Variants in PHF3 observed in about 807,000 individuals in gnomAD.
PHF3 encodes PHD finger protein 3.
PHF3 carries 41 observed loss-of-function variants against 178.4 expected under a neutral mutation model. That is an observed-to-expected ratio of 0.23 (90% CI 0.18 to 0.30). The LOEUF (loss-of-function observed/expected upper bound fraction) is 0.30, where lower values mean the gene tolerates loss of function less well. Among genes scored for constraint, PHF3 ranks in the 10% least tolerant of loss-of-function variants. The probability of loss-of-function intolerance (pLI) is 1.00; values close to 1 mark genes in which losing one functional copy is unlikely to be tolerated. For synonymous variants in PHF3, 842 were observed against 800.5 expected (o/e 1.05, Z -0.88); for missense variants, 2,346 against 2,398.1 (o/e 0.98, Z 0.45).
chr6:63,711,105 T>C (rs1057020619), intron 14 of PHF3, 62 bp from the exon 15 acceptor site: 4 of 1,241,740 alleles, frequency 3.2e-6, no homozygotes, highest in Non-Finnish European at 3.3e-6. Flanking sequence ...AGAAATAGTT[T>C]TAAAACCAAG....
At chr6:63,668,553 G>T (rs143248262) in intron 2 of PHF3, among the ~76,000 whole-genome samples, 1,782 of 151,968 alleles carry the variant, frequency 0.012, 29 homozygotes, top group African/African-American at 0.041. Context: ...TGTTGCCCAG[G>T]CTAGTCTTGA....
At position 63,723,491 on chromosome 6, in the gene PHF3, T is replaced by C. The variant is rs1287305982; in HGVS notation, c.*9783T>C. Among the ~76,000 whole-genome samples the C allele has an allele frequency of 6.6e-6, 1 of 152,106 alleles. No individual in the cohort carries two copies. The highest frequency in any genetic ancestry group is 1.9e-4 in the East Asian group (1 of 5,188). The stretch of plus-strand genomic sequence containing the variant: ...TGTAGAGTGTTCCTGTAGTAAACAA[T>C]TTTATAGTGAAGAGCTACATTAGAA... On this transcript the variant is annotated 3_prime_UTR_variant, in exon 16 of 16. Transcript: ENST00000262043.
intron 2 of PHF3, among the ~76,000 whole-genome samples, chr6:63,654,696 C>T (rs1765157863): frequency 6.6e-6 from 1 of 152,032 alleles, no homozygotes; most frequent in Non-Finnish European, 1.5e-5. Flanking sequence ...AGGGAAAGAC[C>T]TAGGTCCCTT....
At position 63,656,103 on chromosome 6, in the gene PHF3, A is replaced by C. The variant is rs534706269; in HGVS notation, c.244+9308A>C. Among the ~76,000 whole-genome samples, 7 of 152,356 alleles carry C rather than the reference A, an allele frequency of 4.6e-5. No individual in the cohort carries two copies. In the South Asian group the frequency reaches 1.4e-3, roughly 32 times the overall value. On this transcript the variant is annotated intron_variant, in intron 2 of 15. Coordinates refer to ENST00000262043, the MANE Select transcript of PHF3 (RefSeq NM_001370348.2). Reference sequence around the variant, plus strand: ...TAAAGTATCACTTTATAAATTCAGAAAATCCAGAGTAGGGAATTTCTGGCC... The same window carrying C: ...TAAAGTATCACTTTATAAATTCAGACAATCCAGAGTAGGGAATTTCTGGCC...
chr6:63,642,053 A>G (rs1764600122), intron 1 of PHF3, among the ~76,000 whole-genome samples: 1 of 152,242 alleles, frequency 6.6e-6, no homozygotes, highest in Non-Finnish European at 1.5e-5. Flanking sequence ...TGACTTCAGT[A>G]TAATTCTCTG....
chr6:63,712,343 T>C lies in PHF3; in HGVS notation c.4755T>C (p.Thr1585=), dbSNP rs760285522. The C allele has an allele frequency of 2.5e-6, 4 of 1,613,310 alleles. No homozygotes were observed. The highest frequency in any genetic ancestry group is 2.7e-5 in the African/African-American group (2 of 74,846). Residue 1585 remains threonine, a synonymous_variant, in exon 16 of 16, where the codon ACT becomes ACC. Transcript: ENST00000262043. Reference sequence around the variant, plus strand: ...CAATTCAGTCAAAACAAGAGGAAACTGTGGAGAGTAAAGAGAAAACATTAA... The same window carrying C: ...CAATTCAGTCAAAACAAGAGGAAACCGTGGAGAGTAAAGAGAAAACATTAA... ...NLSIQSKQEE[T]VESKEKTLKR... is the part of the protein sequence containing the mutation.
At chr6:63,703,740 A>T in intron 11 of PHF3, 69 bp downstream of exon 11, 1 of 1,431,342 alleles carries the variant, frequency 7.0e-7, no homozygotes, top group Non-Finnish European at 9.6e-7. Flanking sequence ...ATACTAGTAT[A>T]TGTAATTTAA....
Position 63,720,806 on chromosome 6 carries a change from G to A in PHF3, c.*7098G>A. On this transcript the variant is annotated 3_prime_UTR_variant, in exon 16 of 16. Coordinates refer to ENST00000262043, the MANE Select transcript of PHF3 (RefSeq NM_001370348.2). Reference sequence around the variant, plus strand: ...TGCCATCATAGTTTAGAGCCACAAAGTTTTTATGTGGATCAATATCCTCGG... The same window carrying A: ...TGCCATCATAGTTTAGAGCCACAAAATTTTTATGTGGATCAATATCCTCGG... 1.3e-6 allele frequency: 2 copies of A among 1,550,906 alleles called. No individual in the cohort carries two copies. Among genetic ancestry groups the A allele is most frequent in the Non-Finnish European group, 1.7e-6 (2 of 1,146,458 alleles).
intron 5 of PHF3, among the ~76,000 whole-genome samples, chr6:63,692,675 A>G (rs1767059751): frequency 6.6e-6 from 1 of 152,234 alleles, no homozygotes; most frequent in Admixed American, 6.5e-5. Context: ...AAGAACATGA[A>G]TCTTAGAGTT....
chr6:63,674,407 A>G (rs1766077005), intron 2 of PHF3, among the ~76,000 whole-genome samples: 1 of 148,336 alleles, frequency 6.7e-6, no homozygotes, highest in Non-Finnish European at 1.5e-5. Context: ...GAAGAAAAGC[A>G]TTATTTATAT....
intron 3 of PHF3, among the ~76,000 whole-genome samples, chr6:63,683,322 A>G (rs1392660263): frequency 6.6e-6 from 1 of 151,898 alleles, no homozygotes; most frequent in Non-Finnish European, 1.5e-5. Flanking sequence ...TGAATTATTT[A>G]GCTCTCTTTC....
rs1582140331 is a variant in PHF3, at chr6:63,721,441, C to A, written c.*7733C>A. ...CCTACATTTGAGCCACCTTTTGCTC[C>A]AAATTCAGTTAATTGTAATTCTTGA... On this transcript the variant is annotated 3_prime_UTR_variant, in exon 16 of 16. Transcript: ENST00000262043. 1 of 1,551,620 alleles carries A rather than the reference C, an allele frequency of 6.4e-7. No homozygotes were observed. The highest frequency in any genetic ancestry group is 8.7e-7 in the Non-Finnish European group (1 of 1,146,920).
intron 4 of PHF3, among the ~76,000 whole-genome samples, chr6:63,691,392 A>T (rs1406740544): frequency 1.3e-5 from 2 of 152,118 alleles, no homozygotes; most frequent in Admixed American, 6.5e-5. Flanking sequence ...CACCCTTCTC[A>T]GTGGATAAAT....
In PHF3 at chr6:63,706,183, G is replaced by T; in HGVS notation, c.3522G>T (p.Glu1174Asp). 1 of 1,613,846 alleles carries T rather than the reference G, an allele frequency of 6.2e-7. No individual in the cohort carries two copies. Among genetic ancestry groups the T allele is most frequent in the South Asian group, 1.1e-5 (1 of 91,074 alleles). Residue 1174 changes from glutamate to aspartate, a missense_variant, in exon 12 of 16, where the codon GAG (glutamate) becomes GAT (aspartate). Around this residue, in one of 8 missense-constraint regions of PHF3, gnomAD observed 205 missense variants for 212.4 expected, o/e 0.97. Transcript: ENST00000262043. ...TGGCTTCTGAATTCTTTGAGGAGGA[G>T]AAACAGGAGTCTCCAAAGTCAACGT... ...NILASEFFEE[E>D]KQESPKSTFS...
Position 63,692,028 on chromosome 6 carries a change from C to A in PHF3, c.2481C>A (p.Val827=). The A allele has an allele frequency of 1.2e-6, 2 of 1,604,198 alleles. No individual in the cohort carries two copies. The highest frequency in any genetic ancestry group is 2.2e-5 in the South Asian group (2 of 89,904). ...KYIDDTVKHK[V]KILKRESGEG... ...TAGATGATACAGTGAAGCACAAGGT[C>A]AAAATTTTAAAACGGGTGAGCTCTT... is the stretch of plus-strand genomic sequence containing the variant. Residue 827 remains valine (V), a synonymous_variant, in exon 5 of 16, where the codon GTC becomes GTA. Transcript: ENST00000262043.
chr6:63,682,224 C>CT (rs1346092239), intron 3 of PHF3, among the ~76,000 whole-genome samples: 5 of 152,136 alleles, frequency 3.3e-5, no homozygotes, highest in African/African-American at 1.2e-4. Context: ...ATCTAGAAAT[C>CT]TAACTGCTAC....
intron 5 of PHF3, 83 bp downstream of exon 5, chr6:63,692,126 T>G: frequency 2.0e-6 from 2 of 975,638 alleles, no homozygotes; most frequent in Non-Finnish European, 3.0e-6. Context: ...AATTTCTCTT[T>G]AGAAGTTTTA....
rs1384884334 is a variant in PHF3 at position 63,721,753 on chromosome 6, G to A, written c.*8045G>A. On this transcript the variant is annotated 3_prime_UTR_variant, in exon 16 of 16. Coordinates refer to ENST00000262043, the MANE Select transcript of PHF3 (RefSeq NM_001370348.2). ...ATAGTTCTGTCGCCAAGGTTGTAGC[G>A]AAGTTGAACGGAACTATTTACTAAA... is the stretch of plus-strand genomic sequence containing the variant. The A allele has an allele frequency of 1.3e-6, 2 of 1,550,908 alleles. No individual in the cohort carries two copies. The highest frequency in any genetic ancestry group is 1.4e-5 in the African/African-American group (1 of 73,100).
At chr6:63,648,024 T>C (rs756149042) in intron 2 of PHF3, among the ~76,000 whole-genome samples, 7 of 152,192 alleles carry the variant, frequency 4.6e-5, no homozygotes, top group Non-Finnish European at 8.8e-5. Flanking sequence ...TGGGAATAGG[T>C]GGTCTGCTGT....
Sources: allele counts gnomAD v4.1 joint callset (sites outside exome capture counted in the v4.1 genomes callset), GRCh38; gene constraint gnomAD v4.1.1; regional missense constraint gnomAD v4.1.1; transcripts MANE v1.5; gene names NCBI Gene and HGNC (gene_info 2026-07-23, HGNC 2026-07-21).